Variants in NIM1K observed in about 807,000 individuals in gnomAD.
The protein encoded by NIM1K is serine/threonine-protein kinase NIM1.
NIM1K carries 35 observed loss-of-function variants against 37.1 expected under a neutral mutation model. The ratio of observed to expected loss-of-function variants is 0.94; its 90% confidence interval spans 0.72 to 1.25. The LOEUF is 1.25. NIM1K is among the 50% of genes most tolerant of loss of function. NIM1K has a pLI of 0.00. For synonymous variants in NIM1K, 234 were observed against 206.6 expected (o/e 1.13, Z -1.14); for missense variants, 564 against 548.0 (o/e 1.03, Z -0.29).
intron 1 of NIM1K, among the ~76,000 whole-genome samples, chr5:43,216,533 A>C (rs1424835408): frequency 6.6e-6 from 1 of 152,236 alleles, no homozygotes; most frequent in African/African-American, 2.4e-5. Flanking sequence ...TAGTGCATGA[A>C]GGCTTTTTGG....
In NIM1K at chr5:43,213,213, C is replaced by CT. The variant is rs748554628; in HGVS notation, c.-695+20805dup. Among the ~76,000 whole-genome samples, 154 of 45,646 alleles carry CT rather than the reference C, an allele frequency of 3.4e-3. 3 individuals carry two copies. The highest frequency in any genetic ancestry group is 0.011 in the African/African-American group (131 of 12,438). The allele number at this position is 45,646 out of a possible 152,430, so 29.9% of individuals were successfully genotyped here. On this transcript the variant is annotated intron_variant, in intron 1 of 3. Transcript: ENST00000326035. ...TCTTTCTTTCTTTCTTTCTTTCTTT[C>CT]TTTCTTTCTTTCCTTCTTTTCTTCC...
chr5:43,278,563 G>A (rs578142273), intron 3 of NIM1K, among the ~76,000 whole-genome samples: 1 of 152,138 alleles, frequency 6.6e-6, no homozygotes, highest in Admixed American at 6.5e-5. Context: ...GATCCCAGTT[G>A]AACGGATCTG....
intron 1 of NIM1K, among the ~76,000 whole-genome samples, chr5:43,208,797 T>C (rs1752156551): frequency 6.6e-6 from 1 of 152,070 alleles, no homozygotes. Context: ...TCTTTGATCT[T>C]TGGGGGAAAG....
intron 2 of NIM1K, among the ~76,000 whole-genome samples, chr5:43,247,306 C>T (rs376926047): frequency 1.9e-4 from 29 of 152,276 alleles, no homozygotes; most frequent in African/African-American, 6.5e-4. Flanking sequence ...GCCTTAGATA[C>T]TTCATTTATA....
intron 1 of NIM1K, among the ~76,000 whole-genome samples, chr5:43,197,955 A>C (rs1751942185): frequency 6.6e-6 from 1 of 152,228 alleles, no homozygotes; most frequent in Admixed American, 6.5e-5. Context: ...TGTTGAACTG[A>C]ACACGTCATC....
intron 2 of NIM1K, among the ~76,000 whole-genome samples, chr5:43,247,757 T>C (rs1752806361): frequency 6.6e-6 from 1 of 152,258 alleles, no homozygotes; most frequent in Non-Finnish European, 1.5e-5. Flanking sequence ...TTTTTGGTAG[T>C]TGCCACAAAT....
intron 1 of NIM1K, among the ~76,000 whole-genome samples, chr5:43,210,207 A>C (rs1472260753): frequency 1.3e-5 from 2 of 151,870 alleles, no homozygotes; most frequent in African/African-American, 4.8e-5. Flanking sequence ...GGAGGGGAGG[A>C]GAGGGGAAAA....
chr5:43,219,233 C>T (rs1752349334), intron 1 of NIM1K, among the ~76,000 whole-genome samples: 1 of 151,968 alleles, frequency 6.6e-6, no homozygotes, highest in Non-Finnish European at 1.5e-5. Context: ...AGTTCGAGAC[C>T]AGCTTGGCCA....
intron 2 of NIM1K, among the ~76,000 whole-genome samples, chr5:43,252,962 TTTCCTTCC>T (rs1485183480): frequency 1.3e-5 from 2 of 151,034 alleles, no homozygotes; most frequent in South Asian, 4.2e-4. Flanking sequence ...TAATTCATTC[TTTCCTTCC>T]TTCCTTTTTT....
intron 2 of NIM1K, among the ~76,000 whole-genome samples, chr5:43,265,117 G>A (rs1753105409): frequency 6.6e-6 from 1 of 152,176 alleles, no homozygotes; most frequent in Admixed American, 6.5e-5. Flanking sequence ...TTTTCGAGGA[G>A]TATCTTTGTG....
chr5:43,196,536 G>T (rs1277235881), intron 1 of NIM1K, among the ~76,000 whole-genome samples: 3 of 152,060 alleles, frequency 2.0e-5, no homozygotes, highest in African/African-American at 4.8e-5. Flanking sequence ...TCGGGAGGCT[G>T]AGGCAGGAGA....
intron 1 of NIM1K, among the ~76,000 whole-genome samples, chr5:43,210,908 C>T (rs574702000): frequency 9.2e-5 from 14 of 152,288 alleles, no homozygotes; most frequent in African/African-American, 2.4e-4. Flanking sequence ...TGGTAGCTCA[C>T]GCCTGTAATC....
intron 2 of NIM1K, among the ~76,000 whole-genome samples, chr5:43,250,673 A>T (rs1311508881): frequency 6.6e-6 from 1 of 152,268 alleles, no homozygotes; most frequent in Non-Finnish European, 1.5e-5. Flanking sequence ...AAGGCCAAAA[A>T]TCGAGACAGA....
At chr5:43,249,105 T>C (rs1752830826) in intron 2 of NIM1K, among the ~76,000 whole-genome samples, 1 of 151,614 alleles carries the variant, frequency 6.6e-6, no homozygotes, top group Admixed American at 6.6e-5. Flanking sequence ...AGTCTCGCTC[T>C]GTTGCCCAGG....
intron 2 of NIM1K, among the ~76,000 whole-genome samples, chr5:43,268,934 G>A (rs1322579726): frequency 6.6e-6 from 1 of 151,550 alleles, no homozygotes; most frequent in African/African-American, 2.4e-5. Flanking sequence ...TTTTGCAAAG[G>A]TGGTTTTATA....
rs983756040 is a variant in NIM1K at position 43,275,359 on chromosome 5, C to T, written c.293-1698C>T. 1.3e-4 allele frequency among the ~76,000 whole-genome samples: 20 copies of T among 152,140 alleles called. 1 individual carries two copies. Among genetic ancestry groups the T allele is most frequent in the Admixed American group, 1.1e-3 (17 of 15,270 alleles). On this transcript the variant is annotated intron_variant, in intron 2 of 3. Coordinates refer to ENST00000326035, the MANE Select transcript of NIM1K (RefSeq NM_153361.4). Reference sequence around the variant, plus strand: ...TCTTGCTGGGTACTTAAGCTATTCCCAATATCACAGAAGCCTTTTTACACA... The same window carrying T: ...TCTTGCTGGGTACTTAAGCTATTCCTAATATCACAGAAGCCTTTTTACACA...
chr5:43,236,037 G>A (rs533221736), intron 1 of NIM1K, among the ~76,000 whole-genome samples: 12 of 152,138 alleles, frequency 7.9e-5, no homozygotes, highest in Non-Finnish European at 1.3e-4. Context: ...CACTTTGGGA[G>A]GCCAAGGAGG....
chr5:43,263,762 C>T (rs1422712438), intron 2 of NIM1K, among the ~76,000 whole-genome samples: 3 of 152,138 alleles, frequency 2.0e-5, no homozygotes, highest in African/African-American at 7.2e-5. Context: ...GCATTTAATG[C>T]TATAAATTTC....
At chr5:43,262,949 T>G (rs1189028262) in intron 2 of NIM1K, among the ~76,000 whole-genome samples, 1 of 152,150 alleles carries the variant, frequency 6.6e-6, no homozygotes, top group African/African-American at 2.4e-5. Flanking sequence ...CCTTGCACCC[T>G]AGGGATGAAG....
Sources: gnomAD v4.1 joint callset for allele counts (sites outside exome capture counted in the v4.1 genomes callset) on GRCh38, gnomAD v4.1.1 for gene constraint, MANE v1.5 for transcripts, NCBI Gene and HGNC (gene_info 2026-07-23, HGNC 2026-07-21) for gene names.